RAI14: variants seen among roughly 807,000 people sequenced by gnomAD.
RAI14 encodes the protein retinoic acid induced 14.
RAI14 carries 45 observed loss-of-function variants against 115.4 expected under a neutral mutation model. The ratio of observed to expected loss-of-function variants is 0.39; its 90% CI spans 0.31 to 0.50. RAI14 has a LOEUF of 0.50. Ranked by LOEUF, RAI14 falls within the 20% of genes least tolerant of loss-of-function variation. The pLI is 0.85. For synonymous variants in RAI14, 371 were observed against 415.4 expected, an observed-to-expected ratio of 0.89 and a Z score of 1.30; for missense variants, 939 against 1,131.2, an observed-to-expected ratio of 0.83 and a Z score of 2.44.
At chr5:34,683,929 G>A (rs1056830337) in intron 1 of RAI14, among the ~76,000 whole-genome samples, 5 of 152,088 alleles carry the variant, frequency 3.3e-5, no homozygotes, top group African/African-American at 7.2e-5. Flanking sequence ...GGGTTTCACC[G>A]TGTTAGCCAG....
intron 2 of RAI14, among the ~76,000 whole-genome samples, chr5:34,710,035 T>A (rs991485026): frequency 4.6e-5 from 7 of 152,216 alleles, no homozygotes; most frequent in Non-Finnish European, 8.8e-5. Flanking sequence ...TAGGTATTAG[T>A]CCATGAACAT....
intron 2 of RAI14, among the ~76,000 whole-genome samples, chr5:34,743,491 A>G (rs1176661513): frequency 6.6e-6 from 1 of 152,158 alleles, no homozygotes; most frequent in Non-Finnish European, 1.5e-5. Flanking sequence ...AGTCAGTTAC[A>G]TCTGTAAAGA....
At chr5:34,793,899 CA>C (rs1184182905) in intron 3 of RAI14, among the ~76,000 whole-genome samples, 1 of 152,056 alleles carries the variant, frequency 6.6e-6, no homozygotes, top group East Asian at 1.9e-4. Flanking sequence ...ACATGCAATT[CA>C]ATAATTGAGG....
chr5:34,823,801 A>G lies in RAI14; in HGVS notation c.1959A>G (p.Lys653=), dbSNP rs1309243053. 11 of 1,614,200 alleles carry G rather than the reference A, an allele frequency of 6.8e-6. No homozygotes were observed. Among genetic ancestry groups the G allele is most frequent in the Non-Finnish European group, 9.3e-6 (11 of 1,180,020 alleles). Residue 653 remains lysine, a synonymous_variant, in exon 15 of 18, where the codon AAA becomes AAG. Transcript: ENST00000265109. This position sits in a 1 kb window ranked among gnomAD's most constrained non-coding sequence, Gnocchi z 4.5. The stretch of plus-strand genomic sequence containing the variant: ...TGAGCGAGCTGTCACAGCTGTACAA[A>G]GAAGCCCAGGCTGAGCTGGAGGATT... ...KQVSELSQLY[K]EAQAELEDYR...
chr5:34,658,428 T>C (rs1198537579), intron 1 of RAI14, among the ~76,000 whole-genome samples: 4 of 152,010 alleles, frequency 2.6e-5, no homozygotes, highest in African/African-American at 9.7e-5. Flanking sequence ...TAGAATGCAG[T>C]GGACAACTTT....
At chr5:34,803,858 C>T in intron 5 of RAI14, 82 bp downstream of exon 5, 1 of 1,240,558 alleles carries the variant, frequency 8.1e-7, no homozygotes, top group South Asian at 1.3e-5. Flanking sequence ...AACAAACACA[C>T]CCTCCATACA....
rs181058135 is a variant in RAI14, at chr5:34,689,061, G to T, written c.36+2106G>T. On this transcript the variant is annotated intron_variant, in intron 2 of 17. Transcript: ENST00000265109. ...TGCACTAAGGCAGTCTGATTCAAGA[G>T]CCCATGTTTCCTGAAAGAGGAATTT... 2.6e-3 allele frequency among the ~76,000 whole-genome samples: 401 copies of T among 152,292 alleles called. 2 individuals are homozygous for T. Among genetic ancestry groups the T allele is most frequent in the Admixed American group, 4.2e-3 (65 of 15,302 alleles).
intron 17 of RAI14, 69 bp from the exon 18 acceptor site, chr5:34,830,619 T>C (rs1184079727): frequency 1.2e-6 from 2 of 1,606,282 alleles, no homozygotes; most frequent in East Asian, 4.5e-5. Flanking sequence ...AGCCATCTCA[T>C]TCCCCAGAGA....
In RAI14 at chr5:34,824,390, A is replaced by G; in HGVS notation, c.2548A>G (p.Asn850Asp). The G allele has an allele frequency of 6.2e-7, 1 of 1,610,580 alleles. No individual in the cohort carries two copies. Among genetic ancestry groups the G allele is most frequent in the Non-Finnish European group, 8.5e-7 (1 of 1,177,184 alleles). Reference protein sequence around the residue: ...TLLKSKEQEVNELLQKFQQAQ... With the variant: ...TLLKSKEQEVDELLQKFQQAQ... ...CTTGAAATCCAAAGAGCAAGAAGTA[A>G]ATGAACTTCTGCAAAAATTCCAGCA... is the stretch of plus-strand genomic sequence containing the variant. The change falls in exon 15 of 18, where the codon AAT (asparagine) becomes GAT (aspartate). Residue 850 changes from asparagine to aspartate, a missense_variant. By Grantham distance (23) the Asn-to-Asp change is conservative. Coordinates refer to ENST00000265109, the MANE Select transcript of RAI14 (RefSeq NM_015577.3).
At chr5:34,708,344 A>G (rs997223318) in intron 2 of RAI14, among the ~76,000 whole-genome samples, 11 of 152,102 alleles carry the variant, frequency 7.2e-5, no homozygotes, top group Admixed American at 3.9e-4. Flanking sequence ...CTGGGATTAC[A>G]GGCATGCGCC....
chr5:34,770,935 G>A (rs776680285), intron 3 of RAI14, among the ~76,000 whole-genome samples: 1 of 152,136 alleles, frequency 6.6e-6, no homozygotes, highest in Non-Finnish European at 1.5e-5. Context: ...TAAGCAGTTT[G>A]AGGTGGTCAG....
chr5:34,805,062 G>A (rs1381849982), intron 5 of RAI14, among the ~76,000 whole-genome samples: 3 of 152,050 alleles, frequency 2.0e-5, no homozygotes, highest in African/African-American at 4.8e-5. Context: ...GTTTTTCTTC[G>A]GAATCTTTGA....
chr5:34,731,935 G>A (rs1744235371), intron 2 of RAI14, among the ~76,000 whole-genome samples: 1 of 152,220 alleles, frequency 6.6e-6, no homozygotes, highest in Non-Finnish European at 1.5e-5. Context: ...GCTTTGCAGG[G>A]CAGTCATCCC....
chr5:34,658,952 C>T (rs1341489710), intron 1 of RAI14: 2 of 151,786 alleles, frequency 1.3e-5, no homozygotes, highest in Non-Finnish European at 2.9e-5. Flanking sequence ...TAAACTATAA[C>T]TTAAATATTT....
At chr5:34,757,088 G>A (rs1035653293) in intron 2 of RAI14, among the ~76,000 whole-genome samples, 7 of 152,226 alleles carry the variant, frequency 4.6e-5, no homozygotes, top group Non-Finnish European at 1.0e-4. Context: ...GGTGGACAGA[G>A]TGAGCTGTGG....
At chr5:34,792,598 G>A (rs1004219743) in intron 3 of RAI14, among the ~76,000 whole-genome samples, 11 of 152,256 alleles carry the variant, frequency 7.2e-5, no homozygotes, top group African/African-American at 2.2e-4. Flanking sequence ...AGAAGCTTTT[G>A]TGTGACATCA....
At chr5:34,759,958 T>C (rs1748405031) in intron 3 of RAI14, among the ~76,000 whole-genome samples, 1 of 152,120 alleles carries the variant, frequency 6.6e-6, no homozygotes, top group African/African-American at 2.4e-5. Flanking sequence ...CCTAGATTAG[T>C]GGTTTGCAAT....
At chr5:34,682,811 C>T (rs1263874239) in intron 1 of RAI14, among the ~76,000 whole-genome samples, 1 of 152,312 alleles carries the variant, frequency 6.6e-6, no homozygotes, top group Non-Finnish European at 1.5e-5. Context: ...GGTACATACT[C>T]GAATTAGGCT....
At chr5:34,757,755 A>G in intron 3 of RAI14, 157 bp downstream of exon 3, 1 of 1,006,124 alleles carries the variant, frequency 9.9e-7, no homozygotes, top group Non-Finnish European at 1.3e-6. Flanking sequence ...CTTTCTCTCC[A>G]AATTCCAAGT....
Sources: allele counts gnomAD v4.1 joint callset (sites outside exome capture counted in the v4.1 genomes callset), GRCh38; gene constraint gnomAD v4.1.1; non-coding constraint Gnocchi (gnomAD v3.1); transcripts MANE v1.5; gene names NCBI Gene and HGNC (gene_info 2026-07-23, HGNC 2026-07-21).